RAD54L2: variants seen among roughly 807,000 people sequenced by gnomAD.
The protein encoded by RAD54L2 is helicase ARIP4.
Under a neutral mutation model 138.4 loss-of-function variants are expected in RAD54L2, and 27 were observed. The ratio of observed to expected loss-of-function variants is 0.20; its 90% CI spans 0.14 to 0.27. The LOEUF is 0.27. Among genes scored for constraint, RAD54L2 ranks in the 10% least tolerant of loss-of-function variants. The pLI, the probability that RAD54L2 is intolerant of heterozygous loss-of-function variation, is 1.00. For synonymous variants in RAD54L2, 644 were observed against 723.2 expected (o/e 0.89, Z 1.76); for missense variants, 1,396 against 1,890.2 (o/e 0.74, Z 4.85).
At chr3:51,606,500 C>A (rs1313316509) in intron 3 of RAD54L2, among the ~76,000 whole-genome samples, 1 of 152,208 alleles carries the variant, frequency 6.6e-6, no homozygotes, top group East Asian at 1.9e-4. Flanking sequence ...GAGAGAGCCA[C>A]TGCTCTAAAA....
intron 2 of RAD54L2, among the ~76,000 whole-genome samples, chr3:51,559,263 T>C (rs1377136261): frequency 1.3e-5 from 2 of 152,226 alleles, no homozygotes; most frequent in Non-Finnish European, 2.9e-5. Flanking sequence ...ACTGATATTC[T>C]CCCCAGGTTA....
chr3:51,591,663 T>A (rs1699843665), intron 3 of RAD54L2, among the ~76,000 whole-genome samples: 1 of 152,218 alleles, frequency 6.6e-6, no homozygotes, highest in Admixed American at 6.5e-5. Flanking sequence ...GGAGTCTCAT[T>A]TCTAGAAAGT....
Position 51,645,295 on chromosome 3 carries a change from G to T in RAD54L2, c.2656+66G>T. ...GGCTACCATCCTTTTAGTATCAAGGGTGGGAGAGGAGCAGGATATGGGAAC... is the reference window on the plus strand; with the variant it reads ...GGCTACCATCCTTTTAGTATCAAGGTTGGGAGAGGAGCAGGATATGGGAAC... On this transcript the variant is annotated intron_variant, in intron 17 of 22. Transcript: ENST00000684192. The surrounding 1 kb of genome is among the most constrained non-coding windows in gnomAD (Gnocchi z 6.1). 6.9e-7 allele frequency: 1 copy of T among 1,450,052 alleles called. No homozygotes were observed. Among genetic ancestry groups the T allele is most frequent in the South Asian group, 1.2e-5 (1 of 81,954 alleles). The allele number at this position is 1,450,052 out of a possible 1,614,324, so 89.8% of individuals were successfully genotyped here.
chr3:51,591,441 T>G (rs1447599382), intron 3 of RAD54L2, among the ~76,000 whole-genome samples: 1 of 152,200 alleles, frequency 6.6e-6, no homozygotes, highest in Non-Finnish European at 1.5e-5. Context: ...CCTGCCGTTC[T>G]CCAGATTCCA....
At chr3:51,655,837 C>T in intron 19 of RAD54L2, 134 bp from the exon 20 acceptor site, 1 of 727,780 alleles carries the variant, frequency 1.4e-6, no homozygotes, top group Non-Finnish European at 2.2e-6. Flanking sequence ...CCAGACCCTG[C>T]AGATTCTTCT....
chr3:51,548,977 C>T (rs1698768071), intron 2 of RAD54L2, among the ~76,000 whole-genome samples: 1 of 151,808 alleles, frequency 6.6e-6, no homozygotes, highest in Non-Finnish European at 1.5e-5. Flanking sequence ...GTGCAGGCCA[C>T]CATGCCCGGC....
chr3:51,657,930 T>A (rs2106849855), intron 21 of RAD54L2, among the ~76,000 whole-genome samples: 1 of 132,978 alleles, frequency 7.5e-6, no homozygotes, highest in East Asian at 2.1e-4. Flanking sequence ...TTTTTTTTTT[T>A]TTTTTTTTTT....
chr3:51,592,388 A>G (rs536960340), intron 3 of RAD54L2, among the ~76,000 whole-genome samples: 2 of 151,960 alleles, frequency 1.3e-5, no homozygotes, highest in Non-Finnish European at 2.9e-5. Flanking sequence ...AAAATTTTAA[A>G]ATGACTCATT....
intron 3 of RAD54L2, among the ~76,000 whole-genome samples, chr3:51,597,969 AGAAT>A (rs1047452115): frequency 6.6e-6 from 1 of 151,248 alleles, no homozygotes; most frequent in African/African-American, 2.4e-5. Flanking sequence ...AAAAAAAAAA[AGAAT>A]GAATATCAAA....
chr3:51,646,750 C>G (rs1049521222), intron 19 of RAD54L2, among the ~76,000 whole-genome samples: 1 of 152,144 alleles, frequency 6.6e-6, no homozygotes, highest in Admixed American at 6.5e-5. Flanking sequence ...GGGGATAAAG[C>G]TTCCCAGAAA....
chr3:51,553,306 G>A (rs962544928), intron 2 of RAD54L2, among the ~76,000 whole-genome samples: 1 of 152,062 alleles, frequency 6.6e-6, no homozygotes, highest in African/African-American at 2.4e-5. Flanking sequence ...TCGATTTCTT[G>A]ACCTCGTGAT....
chr3:51,548,893 C>T (rs1698765613), intron 2 of RAD54L2, among the ~76,000 whole-genome samples: 1 of 144,282 alleles, frequency 6.9e-6, no homozygotes, highest in East Asian at 2.1e-4. Flanking sequence ...GTGGCGCCAT[C>T]TCCGCTCACT....
At chr3:51,588,650 A>C (rs926368365) in intron 2 of RAD54L2, among the ~76,000 whole-genome samples, 2 of 152,056 alleles carry the variant, frequency 1.3e-5, no homozygotes, top group Non-Finnish European at 2.9e-5. Flanking sequence ...CAAAGAGCTA[A>C]CCCAACTAGC....
intron 2 of RAD54L2, among the ~76,000 whole-genome samples, chr3:51,564,387 C>T (rs1387828653): frequency 2.0e-5 from 3 of 152,028 alleles, no homozygotes; most frequent in African/African-American, 7.2e-5. Context: ...ATGCTTCACT[C>T]TGGGCCACAG....
At chr3:51,601,548 C>T (rs184079362) in intron 3 of RAD54L2, among the ~76,000 whole-genome samples, 10 of 151,740 alleles carry the variant, frequency 6.6e-5, no homozygotes, top group East Asian at 5.8e-4. Flanking sequence ...CCTCGTGATC[C>T]GCCCACCTCA....
At chr3:51,546,602 T>G (rs1246226679) in intron 2 of RAD54L2, among the ~76,000 whole-genome samples, 2 of 151,700 alleles carry the variant, frequency 1.3e-5, no homozygotes, top group African/African-American at 4.8e-5. Context: ...ATCGTGCCAT[T>G]GCACTCCAGC....
intron 2 of RAD54L2, among the ~76,000 whole-genome samples, chr3:51,547,954 C>T (rs1015745825): frequency 2.0e-5 from 3 of 151,982 alleles, no homozygotes; most frequent in Non-Finnish European, 4.4e-5. Flanking sequence ...TGCAGTGGTA[C>T]GATCTCGGCT....
At chr3:51,650,253 G>T (rs984369898) in intron 19 of RAD54L2, among the ~76,000 whole-genome samples, 1 of 152,142 alleles carries the variant, frequency 6.6e-6, no homozygotes, top group African/African-American at 2.4e-5. Flanking sequence ...AAATATATAT[G>T]CACCCAATAC....
At chr3:51,564,136 G>T (rs1027297736) in intron 2 of RAD54L2, among the ~76,000 whole-genome samples, 14 of 152,200 alleles carry the variant, frequency 9.2e-5, no homozygotes, top group African/African-American at 2.4e-4. Context: ...TGCTCCCAGT[G>T]CCTGGTAAAG....
Sources: gnomAD v4.1 joint callset for allele counts (sites outside exome capture counted in the v4.1 genomes callset) on GRCh38, gnomAD v4.1.1 for gene constraint, Gnocchi (gnomAD v3.1) non-coding constraint, MANE v1.5 for transcripts, NCBI Gene and HGNC (gene_info 2026-07-23, HGNC 2026-07-21) for gene names.